POLD3: variants seen among roughly 807,000 people sequenced by gnomAD.
The protein encoded by POLD3 is DNA polymerase delta subunit 3.
A neutral mutation model predicts 58.2 loss-of-function variants in POLD3; 19 were observed. The observed-to-expected ratio is 0.33, with a 90% confidence interval of 0.23 to 0.48. The LOEUF is 0.48. Among genes scored for constraint, POLD3 ranks in the 20% least tolerant of loss-of-function variants. The pLI, the probability that POLD3 is intolerant of heterozygous loss-of-function variation, is 0.99. For synonymous variants in POLD3, 172 were observed against 193.5 expected (o/e 0.89, Z 0.92); for missense variants, 504 against 545.5 (o/e 0.92, Z 0.76).
chr11:74,618,531 C>T lies in POLD3; in HGVS notation c.393-6C>T, dbSNP rs1399146103. The T allele has an allele frequency of 4.4e-6, 7 of 1,590,240 alleles. No homozygotes were observed. The highest frequency in any genetic ancestry group is 3.4e-5 in the Admixed American group (2 of 57,990). On this transcript the variant is annotated splice_region_variant and splice_polypyrimidine_tract_variant and intron_variant, in intron 5 of 11. Transcript: ENST00000263681. ...CATTAACTTAATGTAACATTTCTGT[C>T]CCCAGATTTAGTGCTATACAATGTG...
At chr11:74,663,506 T>C (rs1246076857) in intron 4 of POLD3, among the ~76,000 whole-genome samples, 2 of 152,208 alleles carry the variant, frequency 1.3e-5, no homozygotes, top group Non-Finnish European at 2.9e-5. Context: ...CAGTGTGGTG[T>C]TGACATAAAG....
intron 5 of POLD3, among the ~76,000 whole-genome samples, chr11:74,614,720 A>C (rs1013809229): frequency 2.6e-4 from 39 of 151,350 alleles, no homozygotes; most frequent in African/African-American, 9.5e-4. Context: ...AAAAAAAAAA[A>C]ACCTCGATGT....
intron 9 of POLD3, among the ~76,000 whole-genome samples, chr11:74,633,123 G>C (rs1202573570): frequency 6.6e-6 from 1 of 152,170 alleles, no homozygotes; most frequent in Non-Finnish European, 1.5e-5. Context: ...GAACGCCTAA[G>C]TTTATTACTG....
chr11:74,653,923 C>T (rs1205030459), intron 4 of POLD3, among the ~76,000 whole-genome samples: 2 of 152,112 alleles, frequency 1.3e-5, no homozygotes, highest in African/African-American at 2.4e-5. Flanking sequence ...CTGGGGAGGC[C>T]TCAGGGAGCT....
In POLD3 at chr11:74,642,438, C is replaced by T; in HGVS notation, c.*1672C>T. 1.0e-6 allele frequency: 1 copy of T among 985,124 alleles called. No individual in the cohort carries two copies. Among genetic ancestry groups the T allele is most frequent in the Non-Finnish European group, 1.2e-6 (1 of 829,710 alleles). The allele number at this position is 985,124 out of a possible 1,614,324, so 61.0% of individuals were successfully genotyped here. A position where few individuals can be genotyped will look rare whatever the true frequency, so the allele number is the denominator to read the frequency against. Reference sequence around the variant, plus strand: ...TTTGTCATTGCCTCTGGTCATTTGTCTAAATAGGAATGGAAAATTAAAAGA... The same window carrying T: ...TTTGTCATTGCCTCTGGTCATTTGTTTAAATAGGAATGGAAAATTAAAAGA... On this transcript the variant is annotated 3_prime_UTR_variant, in exon 12 of 12. Coordinates refer to ENST00000263681, the MANE Select transcript of POLD3 (RefSeq NM_006591.3).
At chr11:74,615,587 A>T (rs1409437522) in intron 5 of POLD3, among the ~76,000 whole-genome samples, 1 of 152,228 alleles carries the variant, frequency 6.6e-6, no homozygotes, top group Non-Finnish European at 1.5e-5. Flanking sequence ...TGCAAAGCAG[A>T]AAAGAGGGTG....
At chr11:74,631,365 A>G (rs1283087962) in intron 9 of POLD3, among the ~76,000 whole-genome samples, 3 of 152,018 alleles carry the variant, frequency 2.0e-5, no homozygotes, top group Non-Finnish European at 4.4e-5. Flanking sequence ...CATCTCTAAA[A>G]TGGGGATTTT....
rs116526985 is a variant in POLD3 at position 74,604,836 on chromosome 11, G to A, written c.219+42G>A. 2,842 of 1,045,126 alleles carry A rather than the reference G, an allele frequency of 2.7e-3. 66 individuals are homozygous for A. The African/African-American group carries it at 0.039, about 14-fold the overall frequency. 64.7% of individuals were successfully genotyped at this position (1,045,126 alleles called of 1,614,324 possible). ...TTGTAATGAGCTTAAATGTGTTTGT[G>A]TTATGAAGAGTGTTATAACATAGTT... On this transcript the variant is annotated intron_variant, in intron 3 of 11. Coordinates refer to ENST00000263681, the MANE Select transcript of POLD3 (RefSeq NM_006591.3).
intron 10 of POLD3, among the ~76,000 whole-genome samples, chr11:74,635,739 T>C (rs967760861): frequency 2.0e-5 from 3 of 152,178 alleles, no homozygotes; most frequent in African/African-American, 7.2e-5. Flanking sequence ...ATAGCAAGTA[T>C]CTACAGCAAG....
intron 2 of POLD3, among the ~76,000 whole-genome samples, chr11:74,599,033 A>G (rs2031384326): frequency 6.6e-6 from 1 of 152,162 alleles, no homozygotes; most frequent in Non-Finnish European, 1.5e-5. Context: ...ACCAAGCACT[A>G]TGGTTTATGT....
intron 9 of POLD3, among the ~76,000 whole-genome samples, chr11:74,632,526 G>A (rs955187116): frequency 1.1e-4 from 17 of 152,156 alleles, no homozygotes; most frequent in African/African-American, 4.1e-4. Context: ...AAACAAAGCA[G>A]TAGATATTTA....
In POLD3 at chr11:74,632,877, T is replaced by TACACACACACACACACACACACACAC. The variant is rs71036003; in HGVS notation, c.1007-1674_1007-1649dup. Among the ~76,000 whole-genome samples, 98 of 115,766 alleles carry TACACACACACACACACACACACACAC rather than the reference T, an allele frequency of 8.5e-4. 4 individuals are homozygous for TACACACACACACACACACACACACAC. Among genetic ancestry groups the TACACACACACACACACACACACACAC allele is most frequent in the African/African-American group, 2.7e-3 (63 of 23,310 alleles). 75.9% of individuals were successfully genotyped at this position (115,766 alleles called of 152,430 possible). ...GGTGGTTTTCCTTTATTTAAGTAAA[T>TACACACACACACACACACACACACAC]ACACACACACACACACACACACACA... is the stretch of plus-strand genomic sequence containing the variant. On this transcript the variant is annotated intron_variant, in intron 9 of 11. Coordinates refer to ENST00000263681, the MANE Select transcript of POLD3 (RefSeq NM_006591.3).
chr11:74,659,784 TA>T (rs2033182821), intron 4 of POLD3, among the ~76,000 whole-genome samples: 1 of 152,230 alleles, frequency 6.6e-6, no homozygotes, highest in South Asian at 2.1e-4. Flanking sequence ...TTATTGTTCA[TA>T]TCACTATCAG....
At chr11:74,640,127 C>A (rs542418768) in intron 11 of POLD3, among the ~76,000 whole-genome samples, 1 of 152,090 alleles carries the variant, frequency 6.6e-6, no homozygotes, top group East Asian at 1.9e-4. Context: ...AGACCAGTAA[C>A]GGGAATAGGC....
At chr11:74,617,827 T>A (rs1018649674) in intron 5 of POLD3, among the ~76,000 whole-genome samples, 1 of 152,210 alleles carries the variant, frequency 6.6e-6, no homozygotes. Flanking sequence ...CAGGTGATCC[T>A]CCTACCTCAG....
intron 1 of POLD3, 98 bp downstream of exon 1, chr11:74,592,816 T>G (rs2031081263): frequency 6.4e-7 from 1 of 1,559,934 alleles, no homozygotes; most frequent in South Asian, 1.2e-5. Context: ...TGTGGCTTCG[T>G]GGGGACCAGG....
At chr11:74,638,596 C>T (rs1400640869) in intron 11 of POLD3, 3 of 454,648 alleles carry the variant, frequency 6.6e-6, no homozygotes, top group African/African-American at 4.0e-5. Flanking sequence ...GTAATTTTGT[C>T]CCATTAATTC....
intron 3 of POLD3, among the ~76,000 whole-genome samples, chr11:74,605,244 G>A (rs902228650): frequency 1.3e-5 from 2 of 152,164 alleles, no homozygotes; most frequent in South Asian, 2.1e-4. Flanking sequence ...CAGGAGCATA[G>A]CTAATGCAGT....
rs559715577 is a variant in POLD3 at position 74,615,186 on chromosome 11, T to C, written c.392+2176T>C. 3.9e-5 allele frequency among the ~76,000 whole-genome samples: 6 copies of C among 152,346 alleles called. No homozygotes were observed. The East Asian group carries it at 1.2e-3, about 29-fold the overall frequency. On this transcript the variant is annotated intron_variant, in intron 5 of 11. Transcript: ENST00000263681. ...CTGTTCTTGTCAGTAAAGCTGACAGTAGTACCAGCCAGATAGGGTTGTAGA... is the reference window on the plus strand; with the variant it reads ...CTGTTCTTGTCAGTAAAGCTGACAGCAGTACCAGCCAGATAGGGTTGTAGA...
Sources: allele counts gnomAD v4.1 joint callset (sites outside exome capture counted in the v4.1 genomes callset), GRCh38; gene constraint gnomAD v4.1.1; transcripts MANE v1.5; gene names NCBI Gene and HGNC (gene_info 2026-07-23, HGNC 2026-07-21).